ACAP3: variants seen among roughly 807,000 people sequenced by gnomAD.
ACAP3 encodes ArfGAP with coiled-coil, ankyrin repeat and PH domains 3.
A neutral mutation model predicts 104.1 loss-of-function variants in ACAP3; 56 were observed. The observed-to-expected ratio is 0.54, with a 90% CI of 0.43 to 0.67. The LOEUF (loss-of-function observed/expected upper bound fraction) is 0.67, where lower values mean the gene tolerates loss of function less well. ACAP3 is among the 30% of genes least tolerant of loss of function. The pLI, the probability that ACAP3 is intolerant of heterozygous loss-of-function variation, is 0.00. For missense variants in ACAP3, 1,208 were observed against 1,174.9 expected (o/e 1.03, Z -0.41); for synonymous variants, 628 against 496.2 (o/e 1.27, Z -3.53).
At chr1:1,304,577 A>C in intron 1 of ACAP3, 1 of 212,046 alleles carries the variant, frequency 4.7e-6, no homozygotes, top group African/African-American at 2.3e-5. Flanking sequence ...TCTGGCACCC[A>C]TGCACTGTGG....
intron 1 of ACAP3, chr1:1,307,157 C>T: frequency 3.2e-6 from 4 of 1,258,608 alleles, no homozygotes; most frequent in Non-Finnish European, 4.2e-6. Flanking sequence ...GTGCACACGT[C>T]TGTGAACATG....
Position 1,292,996 on chromosome 1 carries a change from C to T in ACAP3, c.*568G>A, listed in dbSNP as rs921730140. 4 of 152,238 alleles carry T rather than the reference C, an allele frequency of 2.6e-5. No homozygotes were observed. The highest frequency in any genetic ancestry group is 5.9e-5 in the Non-Finnish European group (4 of 68,046). The allele number at this position is 152,238 out of a possible 1,614,324, so 9.4% of individuals were successfully genotyped here. A position where few individuals can be genotyped will look rare whatever the true frequency, so the allele number is the denominator to read the frequency against. On this transcript the variant is annotated 3_prime_UTR_variant, in exon 24 of 24. Transcript: ENST00000354700. The stretch of plus-strand genomic sequence containing the variant: ...GGACCTTCGTGGCCAGCCACGTGGC[C>T]TTGGGACGCCCGCGTCCAGCCAGGG...
chr1:1,303,593 G>C lies in ACAP3; in HGVS notation c.106-312C>G, dbSNP rs986099238. ...TCATGGATAAGGCTGCCCACTCCCAGCTCCACGGCCTGTTGCCCCCTCCTC... is the reference window on the plus strand; with the variant it reads ...TCATGGATAAGGCTGCCCACTCCCACCTCCACGGCCTGTTGCCCCCTCCTC... On this transcript the variant is annotated intron_variant, in intron 2 of 23. Transcript: ENST00000354700. The surrounding 1 kb of genome is among the most constrained non-coding windows in gnomAD (Gnocchi z 4.0). 12 of 485,460 alleles carry C rather than the reference G, an allele frequency of 2.5e-5. No homozygotes were observed. Among genetic ancestry groups the C allele is most frequent in the African/African-American group, 2.2e-4 (11 of 50,632 alleles). 30.1% of individuals were successfully genotyped at this position (485,460 alleles called of 1,614,324 possible).
rs1350965198 is a variant in ACAP3, at chr1:1,296,466, G to A, written c.1296C>T (p.Asn432=). The change falls in exon 15 of 24, where the codon AAC becomes AAT. Residue 432 remains asparagine, a synonymous_variant. Transcript: ENST00000354700. The part of the protein sequence containing the change: ...GQPDPRWASI[N]LGVLLCIECS... ...ACTCAATGCAGAGCAGCACGCCCAG[G>A]TTGATGCTGGCCCAGCGGGGGTCCG... is the stretch of plus-strand genomic sequence containing the variant. The A allele has an allele frequency of 3.2e-6, 5 of 1,546,246 alleles. No homozygotes were observed. Among genetic ancestry groups the A allele is most frequent in the Non-Finnish European group, 4.4e-6 (5 of 1,147,330 alleles).
chr1:1,296,723 T>C (rs1641177631), intron 14 of ACAP3, 90 bp from the exon 15 acceptor site: 1 of 1,376,664 alleles, frequency 7.3e-7, no homozygotes, highest in East Asian at 2.5e-5. Flanking sequence ...GAAGAGCCAA[T>C]GCAGGCCAGG....
intron 9 of ACAP3, 37 bp from the exon 10 acceptor site, chr1:1,299,393 G>A: frequency 6.6e-7 from 1 of 1,513,604 alleles, no homozygotes; most frequent in South Asian, 1.3e-5. Flanking sequence ...GGGGGAGAAA[G>A]CCAGTGAGTG....
Position 1,293,679 on chromosome 1 carries a change from A to T in ACAP3, c.2390T>A (p.Met797Lys). The T allele has an allele frequency of 7.0e-7, 1 of 1,426,296 alleles. No individual in the cohort carries two copies. The allele number at this position is 1,426,296 out of a possible 1,614,324, so 88.4% of individuals were successfully genotyped here. A position where few individuals can be genotyped will look rare whatever the true frequency, so the allele number is the denominator to read the frequency against. ...ACCAGGGGCAGCCTCGGCCTCGCGCATTTCCTCCGCCATGCGCGCCAGACG... is the reference window on the plus strand; with the variant it reads ...ACCAGGGGCAGCCTCGGCCTCGCGCTTTTCCTCCGCCATGCGCGCCAGACG... ...LLRLARMAEE[M>K]REAEAAPGPP... The change falls in exon 24 of 24, where the codon ATG becomes AAG. Residue 797 changes from methionine (M) to lysine (K), a missense_variant. Met to Lys is a moderately conservative substitution (Grantham distance 95, BLOSUM62 -1). Coordinates refer to ENST00000354700, the MANE Select transcript of ACAP3 (RefSeq NM_030649.3).
chr1:1,301,898 A>T, intron 5 of ACAP3, 90 bp downstream of exon 5: 1 of 1,279,734 alleles, frequency 7.8e-7, no homozygotes, highest in East Asian at 2.7e-5. Context: ...CCTGGGCCCA[A>T]GGTGCCTCTG....
In ACAP3 at chr1:1,296,291, G is replaced by A; in HGVS notation, c.1338-11C>T. 4 of 1,554,618 alleles carry A rather than the reference G, an allele frequency of 2.6e-6. No individual in the cohort carries two copies. The highest frequency in any genetic ancestry group is 2.7e-5 in the African/African-American group (2 of 73,388). The stretch of plus-strand genomic sequence containing the variant: ...TGGACACCCAGGCTCCTGGAGAGCA[G>A]AGGTAGGGATGAGTCTGGGGGAGGC... On this transcript the variant is annotated splice_polypyrimidine_tract_variant and intron_variant, in intron 15 of 23. Coordinates refer to ENST00000354700, the MANE Select transcript of ACAP3 (RefSeq NM_030649.3).
chr1:1,297,937 C>T lies in ACAP3; in HGVS notation c.1017-4G>A, dbSNP rs1641265054. 1 of 1,611,598 alleles carries T rather than the reference C, an allele frequency of 6.2e-7. No homozygotes were observed. Among genetic ancestry groups the T allele is most frequent in the Non-Finnish European group, 8.5e-7 (1 of 1,179,354 alleles). ...GTCAGCCTGCAGCATGCAGCTCCTG[C>T]AGGCAGTGGAGGGGCGGGCGTCAGC... On this transcript the variant is annotated splice_region_variant and splice_polypyrimidine_tract_variant and intron_variant, in intron 13 of 23. Transcript: ENST00000354700.
chr1:1,299,861 C>T lies in ACAP3; in HGVS notation c.708G>A (p.Met236Ile). 1.9e-6 allele frequency: 3 copies of T among 1,565,532 alleles called. No homozygotes were observed. Among genetic ancestry groups the T allele is most frequent in the Non-Finnish European group, 1.7e-6 (2 of 1,154,128 alleles). ...VIDSAVEKREMERKHAAIQQR... is the reference protein window; with the variant it reads ...VIDSAVEKREIERKHAAIQQR... Reference sequence around the variant, plus strand: ...GCTGGATGGCGGCGTGCTTTCGCTCCATCTCACGCTTTTCCACCGCAGAGT... The same window carrying T: ...GCTGGATGGCGGCGTGCTTTCGCTCTATCTCACGCTTTTCCACCGCAGAGT... The change falls in exon 9 of 24, where the codon ATG (methionine) becomes ATA (isoleucine). Residue 236 changes from methionine to isoleucine, a missense_variant. Physicochemically the swap from Met to Ile is conservative, Grantham distance 10. Coordinates refer to ENST00000354700, the MANE Select transcript of ACAP3 (RefSeq NM_030649.3).
intron 4 of ACAP3, 116 bp from the exon 5 acceptor site, chr1:1,302,162 C>G (rs1488403844): frequency 1.3e-5 from 12 of 958,834 alleles, no homozygotes; most frequent in African/African-American, 8.5e-5. Context: ...AGGGGCGGGT[C>G]CCACCCTGCA....
chr1:1,307,767 A>G lies in ACAP3; in HGVS notation c.47+2T>C. Reference sequence around the variant, plus strand: ...CCACCCCGGCGGCCCCGGGCGGCGCACCTGAAGCGCGGGGAGTCCTTGACG... The same window carrying G: ...CCACCCCGGCGGCCCCGGGCGGCGCGCCTGAAGCGCGGGGAGTCCTTGACG... On this transcript the variant is annotated splice_donor_variant, in intron 1 of 23. Transcript: ENST00000354700. LOFTEE classifies it high-confidence loss of function. 9.1e-7 allele frequency: 1 copy of G among 1,097,446 alleles called. No homozygotes were observed. 68.0% of individuals were successfully genotyped at this position (1,097,446 alleles called of 1,614,324 possible). A position where few individuals can be genotyped will look rare whatever the true frequency, so the allele number is the denominator to read the frequency against.
Position 1,307,849 on chromosome 1 carries a change from G to A in ACAP3, c.-34C>T, listed in dbSNP as rs1641814028. ...CGGCCGCGGCGCTCACTGGCACGAG[G>A]ACCGCGGCGCCGAGCGGCAGCCGCG... is the stretch of plus-strand genomic sequence containing the variant. On this transcript the variant is annotated 5_prime_UTR_variant, in exon 1 of 24. Transcript: ENST00000354700. The A allele has an allele frequency of 3.9e-6, 4 of 1,022,296 alleles. No homozygotes were observed. The highest frequency in any genetic ancestry group is 4.7e-6 in the Non-Finnish European group (4 of 854,644). The allele number at this position is 1,022,296 out of a possible 1,614,324, so 63.3% of individuals were successfully genotyped here.
chr1:1,295,720 G>C lies in ACAP3; in HGVS notation c.1705+16C>G. 6.3e-7 allele frequency: 1 copy of C among 1,590,686 alleles called. No individual in the cohort carries two copies. On this transcript the variant is annotated intron_variant, in intron 18 of 23. Transcript: ENST00000354700. ...AGGCAAGCCCCTCCCAGCCCTGCCG[G>C]GGCATGGCCTCCCACCTGAGGACAG...
At chr1:1,301,170 A>C (rs1323455653) in intron 5 of ACAP3, among the ~76,000 whole-genome samples, 1 of 151,756 alleles carries the variant, frequency 6.6e-6, no homozygotes, top group African/African-American at 2.4e-5. Flanking sequence ...TCCCAGGCTC[A>C]AGCAATTCTC....
chr1:1,302,128 G>C (rs1263383309), intron 4 of ACAP3, 82 bp from the exon 5 acceptor site: 1 of 1,253,102 alleles, frequency 8.0e-7, no homozygotes, highest in Non-Finnish European at 1.1e-6. Context: ...ACCAGCAGAG[G>C]GCACTGCCCC....
intron 15 of ACAP3, 24 bp downstream of exon 15, chr1:1,296,401 C>G (rs866268389): frequency 6.5e-7 from 1 of 1,532,188 alleles, no homozygotes; most frequent in Non-Finnish European, 8.7e-7. Flanking sequence ...ACCCCCACCC[C>G]CAGCCTGGCC....
At chr1:1,307,721 A>T (rs1465972296) in intron 1 of ACAP3, 48 bp downstream of exon 1, 4 of 1,081,368 alleles carry the variant, frequency 3.7e-6, no homozygotes, top group African/African-American at 3.4e-5. Context: ...CAAAGGCGAC[A>T]GCGACGCCCC....
Sources: allele counts gnomAD v4.1 joint callset (sites outside exome capture counted in the v4.1 genomes callset), GRCh38; gene constraint gnomAD v4.1.1; non-coding constraint Gnocchi (gnomAD v3.1); transcripts MANE v1.5; gene names NCBI Gene and HGNC (gene_info 2026-07-23, HGNC 2026-07-21).